MAST2: variants seen among roughly 807,000 people sequenced by gnomAD.
The protein encoded by MAST2 is microtubule-associated serine/threonine-protein kinase 2.
Under a neutral mutation model 147.4 loss-of-function variants are expected in MAST2, and 70 were observed. That is an observed-to-expected ratio of 0.47 (90% CI 0.39 to 0.58). The LOEUF (loss-of-function observed/expected upper bound fraction) is 0.58, where lower values mean the gene tolerates loss of function less well. Ranked by LOEUF, MAST2 falls within the 20% of genes least tolerant of loss-of-function variation. The probability of loss-of-function intolerance (pLI) is 0.00; values close to 1 mark genes in which losing one functional copy is unlikely to be tolerated. For synonymous variants in MAST2, 869 were observed against 896.8 expected (o/e 0.97, Z 0.55); for missense variants, 2,080 against 2,302.3 (o/e 0.90, Z 1.98).
chr1:45,963,559 C>G (rs538231771), intron 5 of MAST2, among the ~76,000 whole-genome samples: 1 of 152,266 alleles, frequency 6.6e-6, no homozygotes, highest in African/African-American at 2.4e-5. Flanking sequence ...ATTTGGCTCT[C>G]TGTTTGTCTG....
At chr1:45,856,799 T>A (rs934654839) in intron 3 of MAST2, among the ~76,000 whole-genome samples, 40 of 152,010 alleles carry the variant, frequency 2.6e-4, no homozygotes, top group African/African-American at 9.4e-4. Flanking sequence ...TTTTTTTTTT[T>A]ATGTGAGTAT....
rs368344036 is a variant in MAST2, at chr1:46,026,553, ACT to A, written c.1919+741_1919+742del. 5.5e-4 allele frequency among the ~76,000 whole-genome samples: 83 copies of A among 152,288 alleles called. No homozygotes were observed. The East Asian group carries it at 0.013, about 24-fold the overall frequency. ...ATTATGGTTCAGGTTTAGAAAGCTC[ACT>A]CTGCCGGTGAAAAGAGACACTGAGA... is the stretch of plus-strand genomic sequence containing the variant. On this transcript the variant is annotated intron_variant, in intron 16 of 28. Transcript: ENST00000361297.
chr1:45,925,173 A>T (rs1248260219), intron 4 of MAST2, among the ~76,000 whole-genome samples: 1 of 152,160 alleles, frequency 6.6e-6, no homozygotes, highest in Non-Finnish European at 1.5e-5. Context: ...TGGTCTTAGG[A>T]CCTTACAAAT....
intron 5 of MAST2, among the ~76,000 whole-genome samples, chr1:45,978,152 C>G (rs898456999): frequency 2.0e-5 from 3 of 152,180 alleles, no homozygotes; most frequent in African/African-American, 7.2e-5. Context: ...TTGGACAGTT[C>G]ACACAAAAGA....
At chr1:46,030,836 G>A (rs1003551083) in intron 22 of MAST2, 75 bp downstream of exon 22, 28 of 1,483,724 alleles carry the variant, frequency 1.9e-5, no homozygotes, top group African/African-American at 8.4e-5. Context: ...GAGAGATTCC[G>A]ATGCCAGGGA....
At chr1:45,957,721 G>A (rs1570927856) in intron 4 of MAST2, among the ~76,000 whole-genome samples, 2 of 152,150 alleles carry the variant, frequency 1.3e-5, no homozygotes, top group East Asian at 3.8e-4. Flanking sequence ...GTCTTGGAGA[G>A]TGAGCAAACA....
chr1:45,874,188 A>G (rs950325691), intron 3 of MAST2, among the ~76,000 whole-genome samples: 1 of 152,160 alleles, frequency 6.6e-6, no homozygotes, highest in Non-Finnish European at 1.5e-5. Context: ...TTTGAGGTAG[A>G]TGGAATCCCA....
At chr1:45,999,331 A>G (rs1003325138) in intron 6 of MAST2, among the ~76,000 whole-genome samples, 2 of 152,224 alleles carry the variant, frequency 1.3e-5, no homozygotes, top group Non-Finnish European at 2.9e-5. Context: ...CACTTACAGT[A>G]TAAGAATATG....
At chr1:45,975,495 C>CAA (rs60802520) in intron 5 of MAST2, among the ~76,000 whole-genome samples, 27,859 of 40,082 alleles carry the variant, frequency 0.7, 10,811 homozygotes, top group South Asian at 0.78. Context: ...CCTGTCTCTC[C>CAA]AAAAAAAAAA....
At chr1:45,931,232 TTATAACC>T (rs968029922) in intron 4 of MAST2, among the ~76,000 whole-genome samples, 54 of 152,340 alleles carry the variant, frequency 3.5e-4, no homozygotes, top group African/African-American at 1.3e-3. Context: ...TCCTCAACTT[TTATAACC>T]TCAATACTTT....
chr1:45,817,941 G>T (rs989926671), intron 1 of MAST2, among the ~76,000 whole-genome samples: 2 of 152,180 alleles, frequency 1.3e-5, no homozygotes, highest in Admixed American at 1.3e-4. Context: ...AAAAATCCAT[G>T]CTTTGGGATT....
chr1:46,020,178 T>G lies in MAST2; in HGVS notation c.1290+481T>G, dbSNP rs561965342. Among the ~76,000 whole-genome samples the G allele has an allele frequency of 2.0e-5, 3 of 152,238 alleles. No individual in the cohort carries two copies. The South Asian group carries it at 6.2e-4, about 32-fold the overall frequency. The stretch of plus-strand genomic sequence containing the variant: ...ATAGTAATTACAATACTGCAAGAAG[T>G]GTTGCAGTTGAGGTCAGTACACAGC... On this transcript the variant is annotated intron_variant, in intron 11 of 28. Coordinates refer to ENST00000361297, the MANE Select transcript of MAST2 (RefSeq NM_015112.3).
intron 3 of MAST2, among the ~76,000 whole-genome samples, chr1:45,862,838 G>A (rs1451259637): frequency 2.6e-5 from 4 of 152,142 alleles, no homozygotes; most frequent in African/African-American, 9.7e-5. Flanking sequence ...ATCCCATAAC[G>A]TTAGTTTTAG....
intron 3 of MAST2, among the ~76,000 whole-genome samples, chr1:45,868,485 T>G (rs529635087): frequency 6.6e-6 from 1 of 152,336 alleles, no homozygotes; most frequent in East Asian, 1.9e-4. Flanking sequence ...ATAAAATTAT[T>G]GCCTTCAGGC....
chr1:45,941,033 A>G (rs1300399659), intron 4 of MAST2, among the ~76,000 whole-genome samples: 1 of 152,216 alleles, frequency 6.6e-6, no homozygotes, highest in Non-Finnish European at 1.5e-5. Context: ...ACAGTGGTAG[A>G]TAAAACTGGT....
In MAST2 at chr1:46,006,395, G is replaced by T; in HGVS notation, c.902G>T (p.Ser301Ile). ...ATGCGGCCTCGCTCCCGGAGCCTCA[G>T]GTGAGGGTGCTCTCTGCCCACTGTT... ...PAMRPRSRSLSPGRSPVSFDS... is the reference protein window; with the variant it reads ...PAMRPRSRSLIPGRSPVSFDS... The change falls in exon 8 of 29, where the codon AGT becomes ATT. Residue 301 changes from serine (S) to isoleucine (I), a missense_variant and splice_region_variant. Physicochemically the swap from Ser to Ile is moderately radical, Grantham distance 142 (BLOSUM62 -2). Coordinates refer to ENST00000361297, the MANE Select transcript of MAST2 (RefSeq NM_015112.3). 6.2e-7 allele frequency: 1 copy of T among 1,611,590 alleles called. No individual in the cohort carries two copies. The highest frequency in any genetic ancestry group is 8.5e-7 in the Non-Finnish European group (1 of 1,178,518).
chr1:45,889,617 GT>G (rs562480436), intron 4 of MAST2, among the ~76,000 whole-genome samples: 1 of 151,624 alleles, frequency 6.6e-6, no homozygotes, highest in African/African-American at 2.4e-5. Flanking sequence ...GTTTTGTTTT[GT>G]TTTTTTGAGG....
intron 3 of MAST2, among the ~76,000 whole-genome samples, chr1:45,862,931 A>G (rs1239459770): frequency 6.6e-6 from 1 of 152,146 alleles, no homozygotes; most frequent in East Asian, 1.9e-4. Context: ...CTCCCATAGC[A>G]CTTTGTCATA....
chr1:46,027,971 C>T lies in MAST2; in HGVS notation c.2052+108C>T, dbSNP rs1054863234. The T allele has an allele frequency of 1.7e-5, 23 of 1,346,824 alleles. No individual in the cohort carries two copies. The East Asian group carries it at 2.6e-4, about 15-fold the overall frequency. The allele number at this position is 1,346,824 out of a possible 1,614,324, so 83.4% of individuals were successfully genotyped here. A position where few individuals can be genotyped will look rare whatever the true frequency, so the allele number is the denominator to read the frequency against. On this transcript the variant is annotated intron_variant, in intron 17 of 28. Coordinates refer to ENST00000361297, the MANE Select transcript of MAST2 (RefSeq NM_015112.3). ...CTTTGGGAGGCTGAGGCAGGAGGATCGCTTGAGGCCAGCCTGGGCAACATA... is the reference window on the plus strand; with the variant it reads ...CTTTGGGAGGCTGAGGCAGGAGGATTGCTTGAGGCCAGCCTGGGCAACATA...
Sources: allele counts gnomAD v4.1 joint callset (sites outside exome capture counted in the v4.1 genomes callset), GRCh38; gene constraint gnomAD v4.1.1; transcripts MANE v1.5; gene names NCBI Gene and HGNC (gene_info 2026-07-23, HGNC 2026-07-21).